Variants in VANGL2 observed in about 807,000 individuals in gnomAD.
VANGL2 encodes the protein VANGL planar cell polarity protein 2.
VANGL2 carries 14 observed loss-of-function variants against 50.2 expected under a neutral mutation model. The observed-to-expected ratio is 0.28, with a 90% CI of 0.18 to 0.44. The LOEUF (loss-of-function observed/expected upper bound fraction) is 0.44. Ranked by LOEUF, VANGL2 falls within the 20% of genes least tolerant of loss-of-function variation. The pLI is 1.00. For missense variants in VANGL2, 533 were observed against 701.5 expected (o/e 0.76, Z 2.71); for synonymous variants, 295 against 297.2 (o/e 0.99, Z 0.08).
chr1:160,406,651 T>C (rs1650670550), intron 1 of VANGL2, among the ~76,000 whole-genome samples: 1 of 152,020 alleles, frequency 6.6e-6, no homozygotes, highest in African/African-American at 2.4e-5. Context: ...TTCAGACTCC[T>C]GTTTTCACCA....
At chr1:160,414,622 A>G (rs1292489143) in intron 1 of VANGL2, among the ~76,000 whole-genome samples, 2 of 151,908 alleles carry the variant, frequency 1.3e-5, no homozygotes, top group Non-Finnish European at 2.9e-5. Flanking sequence ...TAGACTGTAA[A>G]CTCAGGGTCT....
chr1:160,416,074 C>T lies in VANGL2; in HGVS notation c.84C>T (p.Asp28=), dbSNP rs200841707. 6.2e-7 allele frequency: 1 copy of T among 1,614,206 alleles called. No individual in the cohort carries two copies. The highest frequency in any genetic ancestry group is 8.5e-7 in the Non-Finnish European group (1 of 1,180,038). Reference sequence around the variant, plus strand: ...CTTCCTGCCGCAGGGACCGCCGGGACCGACACCGCTCTAAGAGTCGAGATG... The same window carrying T: ...CTTCCTGCCGCAGGGACCGCCGGGATCGACACCGCTCTAAGAGTCGAGATG... ...RSSRKHRDRR[D]RHRSKSRDGG... The change falls in exon 3 of 8, where the codon GAC becomes GAT. Residue 28 remains aspartate (D), a synonymous_variant. Coordinates refer to ENST00000368061, the MANE Select transcript of VANGL2 (RefSeq NM_020335.3).
At chr1:160,402,465 A>G (rs1208784003) in intron 1 of VANGL2, among the ~76,000 whole-genome samples, 1 of 152,148 alleles carries the variant, frequency 6.6e-6, no homozygotes, top group Non-Finnish European at 1.5e-5. Flanking sequence ...AGGAGGAAGC[A>G]TGTCTGGAGG....
chr1:160,423,230 G>T (rs1300123648), intron 6 of VANGL2, among the ~76,000 whole-genome samples: 4 of 151,960 alleles, frequency 2.6e-5, no homozygotes, highest in African/African-American at 9.7e-5. Flanking sequence ...AATGTAAATG[G>T]ATTTTTTTTT....
chr1:160,406,784 A>G (rs912724475), intron 1 of VANGL2, among the ~76,000 whole-genome samples: 62 of 151,300 alleles, frequency 4.1e-4, no homozygotes, highest in Non-Finnish European at 7.4e-4. Context: ...GCTGGAGTGC[A>G]ATGGCGCGAT....
At chr1:160,416,327 C>T in intron 3 of VANGL2, 145 bp downstream of exon 3, 1 of 1,406,382 alleles carries the variant, frequency 7.1e-7, no homozygotes, top group Non-Finnish European at 9.9e-7. Flanking sequence ...TTACACTTAG[C>T]TTGGCTTAGT....
intron 1 of VANGL2, among the ~76,000 whole-genome samples, chr1:160,403,236 G>T (rs1650543255): frequency 1.3e-5 from 2 of 151,842 alleles, no homozygotes; most frequent in African/African-American, 4.8e-5. Context: ...TTGCATCTAA[G>T]ATGGTGTGCC....
Position 160,425,312 on chromosome 1 carries a change from C to T in VANGL2, c.1500C>T (p.Ser500=), listed in dbSNP as rs139858302. ...AGAAGGTCCCATTCTTCAAACTCTC[C>T]GAGGAATTTGTGGATCCCAAGTCAC... ...STKKVPFFKL[S]EEFVDPKSHK... is the part of the protein sequence containing the mutation. Residue 500 remains serine (S), a synonymous_variant, in exon 8 of 8, where the codon TCC becomes TCT. Coordinates refer to ENST00000368061, the MANE Select transcript of VANGL2 (RefSeq NM_020335.3). 4.2e-5 allele frequency: 67 copies of T among 1,612,966 alleles called. No homozygotes were observed. Among genetic ancestry groups the T allele is most frequent in the African/African-American group, 8.0e-5 (6 of 74,554 alleles).
Position 160,419,719 on chromosome 1 carries a change from G to C in VANGL2, c.800+110G>C, listed in dbSNP as rs982365510. On this transcript the variant is annotated intron_variant, in intron 4 of 7. Transcript: ENST00000368061. The surrounding 1 kb of genome is among the most constrained non-coding windows in gnomAD (Gnocchi z 5.8). ...GTGGGCTGGAGGTGATGGGCTTGGA[G>C]GGTTGTGTGGGAGGGAGTTGAGTAC... 85 of 1,458,232 alleles carry C rather than the reference G, an allele frequency of 5.8e-5. No homozygotes were observed. The African/African-American group carries it at 1.1e-3, about 19-fold the overall frequency. The allele number at this position is 1,458,232 out of a possible 1,614,324, so 90.3% of individuals were successfully genotyped here. A position where few individuals can be genotyped will look rare whatever the true frequency, so the allele number is the denominator to read the frequency against.
At chr1:160,401,160 C>T (rs1650445952) in intron 1 of VANGL2, among the ~76,000 whole-genome samples, 1 of 152,028 alleles carries the variant, frequency 6.6e-6, no homozygotes, top group Non-Finnish European at 1.5e-5. Flanking sequence ...TTTCCTGGGC[C>T]CGGGCGGGGG....
In VANGL2 at chr1:160,426,087, C is replaced by T. The variant is rs553281251; in HGVS notation, c.*709C>T. 6.6e-6 allele frequency: 1 copy of T among 152,346 alleles called. No individual in the cohort carries two copies. The highest frequency in any genetic ancestry group is 6.5e-5 in the Admixed American group (1 of 15,304). The allele number at this position is 152,346 out of a possible 1,614,324, so 9.4% of individuals were successfully genotyped here. A position where few individuals can be genotyped will look rare whatever the true frequency, so the allele number is the denominator to read the frequency against. On this transcript the variant is annotated 3_prime_UTR_variant, in exon 8 of 8. Transcript: ENST00000368061. ...GCAACCACGTGGAAACCCTCTGTGA[C>T]CACTTTTCCAGGGACTTAGGGGAAG...
Position 160,415,779 on chromosome 1 carries a change from C to A in VANGL2, c.-59C>A, listed in dbSNP as rs1272905185. Reference sequence around the variant, plus strand: ...GTGCTGAAGGAGGTGGCTGTGGGGCCCCCCAAGAGGCCCCAGCCTGCGGCC... The same window carrying A: ...GTGCTGAAGGAGGTGGCTGTGGGGCACCCCAAGAGGCCCCAGCCTGCGGCC... On this transcript the variant is annotated 5_prime_UTR_variant, in exon 2 of 8. Coordinates refer to ENST00000368061, the MANE Select transcript of VANGL2 (RefSeq NM_020335.3). The A allele has an allele frequency of 1.9e-6, 3 of 1,580,900 alleles. No homozygotes were observed. The African/African-American group carries it at 4.0e-5, about 21-fold the overall frequency.
rs1276881420 is a variant in VANGL2 at position 160,425,865 on chromosome 1, T to G, written c.*487T>G. ...TGCCAAACTCCTCCAGGGCAGCAAC[T>G]GGCCCTCCTGTCCCTCACCCCAGCC... is the stretch of plus-strand genomic sequence containing the variant. On this transcript the variant is annotated 3_prime_UTR_variant, in exon 8 of 8. Coordinates refer to ENST00000368061, the MANE Select transcript of VANGL2 (RefSeq NM_020335.3). The G allele has an allele frequency of 1.3e-5, 2 of 155,994 alleles. No individual in the cohort carries two copies. Among genetic ancestry groups the G allele is most frequent in the African/African-American group, 4.8e-5 (2 of 41,464 alleles). The allele number at this position is 155,994 out of a possible 1,614,324, so 9.7% of individuals were successfully genotyped here. A position where few individuals can be genotyped will look rare whatever the true frequency, so the allele number is the denominator to read the frequency against.
rs1651510414 is a variant in VANGL2, at chr1:160,427,779, G to C, written c.*2401G>C. On this transcript the variant is annotated 3_prime_UTR_variant, in exon 8 of 8. Coordinates refer to ENST00000368061, the MANE Select transcript of VANGL2 (RefSeq NM_020335.3). ...GGATCTGCTCATTCTCCTGCTGTGG[G>C]GGTATGCCCACCTCTTACCCCCTTG... The C allele has an allele frequency of 6.6e-6, 1 of 152,460 alleles. No individual in the cohort carries two copies. 9.4% of individuals were successfully genotyped at this position (152,460 alleles called of 1,614,324 possible).
intron 1 of VANGL2, among the ~76,000 whole-genome samples, chr1:160,403,525 C>T (rs1401405620): frequency 6.6e-6 from 1 of 152,166 alleles, no homozygotes; most frequent in South Asian, 2.1e-4. Flanking sequence ...AAATATCCCC[C>T]CTTCCCTGGC....
intron 7 of VANGL2, among the ~76,000 whole-genome samples, chr1:160,424,887 C>T (rs1651397974): frequency 6.6e-6 from 1 of 152,104 alleles, no homozygotes; most frequent in Non-Finnish European, 1.5e-5. Flanking sequence ...GAGTTCAGTC[C>T]TACCTGATGA....
At chr1:160,413,319 C>A (rs567153230) in intron 1 of VANGL2, among the ~76,000 whole-genome samples, 1 of 147,314 alleles carries the variant, frequency 6.8e-6, no homozygotes, top group East Asian at 1.9e-4. Context: ...CTCGTTCTGT[C>A]GCCCAGGCTG....
intron 1 of VANGL2, among the ~76,000 whole-genome samples, chr1:160,408,856 G>A (rs1463151313): frequency 6.6e-6 from 1 of 152,178 alleles, no homozygotes; most frequent in Non-Finnish European, 1.5e-5. Context: ...TCCTATTTTT[G>A]GTCCAGGGCT....
At chr1:160,418,575 C>G (rs936709886) in intron 3 of VANGL2, among the ~76,000 whole-genome samples, 1 of 152,102 alleles carries the variant, frequency 6.6e-6, no homozygotes, top group South Asian at 2.1e-4. Context: ...TTCCTTGGAG[C>G]CCCCTTCCCC....
Sources: allele counts gnomAD v4.1 joint callset (sites outside exome capture counted in the v4.1 genomes callset), GRCh38; gene constraint gnomAD v4.1.1; non-coding constraint Gnocchi (gnomAD v3.1); transcripts MANE v1.5; gene names NCBI Gene and HGNC (gene_info 2026-07-23, HGNC 2026-07-21).